Variants in TTN observed in about 807,000 individuals in gnomAD.
The protein encoded by TTN is titin, also known as connectin.
Under a neutral mutation model 3,223.0 loss-of-function variants are expected in TTN, and 1,525 were observed. The ratio of observed to expected loss-of-function variants is 0.47; its 90% CI spans 0.45 to 0.49. The LOEUF is 0.49. Among genes scored for constraint, TTN ranks in the 20% least tolerant of loss-of-function variants. The pLI is 0.00. For synonymous variants in TTN, 14,094 were observed against 15,161.0 expected (o/e 0.93, Z 5.17); for missense variants, 40,786 against 43,424.0 (o/e 0.94, Z 5.40).
intron 15 of TTN, among the ~76,000 whole-genome samples, chr2:178,785,145 A>T (rs1043355832): frequency 6.6e-6 from 1 of 152,150 alleles, no homozygotes; most frequent in Non-Finnish European, 1.5e-5. Context: ...ATCCAACCCG[A>T]CCACCATACA....
chr2:178,537,589 A>G lies in TTN; in HGVS notation c.99618T>C (p.Tyr33206=). The G allele has an allele frequency of 2.5e-6, 4 of 1,613,680 alleles. No homozygotes were observed. Among genetic ancestry groups the G allele is most frequent in the Non-Finnish European group, 3.4e-6 (4 of 1,179,704 alleles). ...FHPGYPLKEK[Y]YGAVGSTLRL... ...GAAGTGTGGAACCCACAGCTCCATA[A>G]TATTTCTCTTTCAGTGGGTAACCAG... The change falls in exon 355 of 363, where the codon TAT becomes TAC. Residue 33206 remains tyrosine, a synonymous_variant. Coordinates refer to ENST00000589042, the MANE Select transcript of TTN (RefSeq NM_001267550.2).
chr2:178,649,785 C>T (rs763736936), intron 211 of TTN, 32 bp downstream of exon 211: 3 of 1,597,786 alleles, frequency 1.9e-6, no homozygotes, highest in South Asian at 2.3e-5. Context: ...GTAGACACCA[C>T]AAAAATGAAG....
intron 143 of TTN, 111 bp downstream of exon 143, chr2:178,678,636 T>G: frequency 8.6e-7 from 1 of 1,164,570 alleles, no homozygotes; most frequent in Non-Finnish European, 1.2e-6. Context: ...AAATAAAATA[T>G]TTAATTTTCT....
Position 178,602,155 on chromosome 2 carries a change from A to C in TTN, c.55121-5T>G. Reference sequence around the variant, plus strand: ...CAATGAAAACTTCTGGTTCCTCTGTAATACCACATACAATTTAACAGGATT... The same window carrying C: ...CAATGAAAACTTCTGGTTCCTCTGTCATACCACATACAATTTAACAGGATT... On this transcript the variant is annotated splice_polypyrimidine_tract_variant and splice_region_variant and intron_variant, in intron 283 of 362. Transcript: ENST00000589042. 6.2e-7 allele frequency: 1 copy of C among 1,600,872 alleles called. No individual in the cohort carries two copies. The highest frequency in any genetic ancestry group is 2.2e-5 in the East Asian group (1 of 44,510).
chr2:178,591,329 G>C lies in TTN; in HGVS notation c.60396C>G (p.Phe20132Leu), dbSNP rs1304980579. The change falls in exon 304 of 363, where the codon TTC becomes TTG. Residue 20132 changes from phenylalanine to leucine, a missense_variant. Physicochemically the swap from Phe to Leu is conservative, Grantham distance 22. Transcript: ENST00000589042. ...DEHYTVETDN[F>L]SSVLTIKNCL... ...AGTTCTTAATGGTAAGTACTGATGA[G>C]AAGTTGTCTGTTTCAACTGTGTAGT... The C allele has an allele frequency of 6.2e-7, 1 of 1,613,326 alleles. No homozygotes were observed. Among genetic ancestry groups the C allele is most frequent in the East Asian group, 2.2e-5 (1 of 44,822 alleles).
intron 40 of TTN, 50 bp from the exon 41 acceptor site, chr2:178,766,662 G>C (rs1488694738): frequency 6.9e-7 from 1 of 1,458,146 alleles, no homozygotes; most frequent in Non-Finnish European, 9.6e-7. Flanking sequence ...AAAACTTGAA[G>C]CTCTGGTTTC....
rs2154259135 is a variant in TTN, at chr2:178,663,871, T to C, written c.36396A>G (p.Glu12132=). Residue 12132 remains glutamate, a synonymous_variant, in exon 170 of 363, where the codon GAA becomes GAG. Coordinates refer to ENST00000589042, the MANE Select transcript of TTN (RefSeq NM_001267550.2). ...TAGGAGGAGCCAAGGGCACTTTCTCTTCGCGGATAACCTCTTTGGAAGCTT... is the reference window on the plus strand; with the variant it reads ...TAGGAGGAGCCAAGGGCACTTTCTCCTCGCGGATAACCTCTTTGGAAGCTT... ...VPEASKEVIR[E]EKVPLAPPKE... is the part of the protein sequence containing the mutation. The C allele has an allele frequency of 1.2e-6, 2 of 1,613,456 alleles. No individual in the cohort carries two copies. Among genetic ancestry groups the C allele is most frequent in the Non-Finnish European group, 1.7e-6 (2 of 1,179,818 alleles).
In TTN at chr2:178,689,605, A is replaced by C; in HGVS notation, c.31847-10T>G. 2 of 1,586,360 alleles carry C rather than the reference A, an allele frequency of 1.3e-6. No individual in the cohort carries two copies. Among genetic ancestry groups the C allele is most frequent in the Non-Finnish European group, 1.7e-6 (2 of 1,169,710 alleles). ...TTCTGTACTTCAGGAACTTGAAGAG[A>C]CATTTTTAGAATTGACTTTATATTT... On this transcript the variant is annotated splice_polypyrimidine_tract_variant and intron_variant, in intron 122 of 362. Coordinates refer to ENST00000589042, the MANE Select transcript of TTN (RefSeq NM_001267550.2).
At position 178,618,205 on chromosome 2, in the gene TTN, T is replaced by A. The variant is rs764193921; in HGVS notation, c.47253A>T (p.Glu15751Asp). The A allele has an allele frequency of 1.9e-6, 3 of 1,612,550 alleles. No individual in the cohort carries two copies. Among genetic ancestry groups the A allele is most frequent in the African/African-American group, 1.3e-5 (1 of 74,938 alleles). ...ACTTCTTACCATATTTACTCCTTGCTTCTACAGGATTGTCAGTTTCTACTG... is the reference window on the plus strand; with the variant it reads ...ACTTCTTACCATATTTACTCCTTGCATCTACAGGATTGTCAGTTTCTACTG... ...GEPVETDNPV[E>D]ARSKYDVPGP... The change falls in exon 252 of 363, where the codon GAA (glutamate) becomes GAT (aspartate). Residue 15751 changes from glutamate (E) to aspartate (D), a missense_variant. Glu to Asp is a conservative substitution (Grantham distance 45). Transcript: ENST00000589042.
chr2:178,609,332 G>A lies in TTN; in HGVS notation c.51978C>T (p.Asn17326=). 6 of 1,608,540 alleles carry A rather than the reference G, an allele frequency of 3.7e-6. No individual in the cohort carries two copies. The highest frequency in any genetic ancestry group is 5.1e-6 in the Non-Finnish European group (6 of 1,177,826). ...GTAGCTGAGATTCTCCCTTTTTGCT[G>A]TTGTCAATACTCAAACGCTGTGTCA... ...LPLTQRLSID[N]SKKGESQLRV... The change falls in exon 273 of 363, where the codon AAC becomes AAT. Residue 17326 remains asparagine, a synonymous_variant. Coordinates refer to ENST00000589042, the MANE Select transcript of TTN (RefSeq NM_001267550.2).
rs1031922435 is a variant in TTN at position 178,652,741 on chromosome 2, A to G, written c.38960-5T>C. On this transcript the variant is annotated splice_region_variant and splice_polypyrimidine_tract_variant and intron_variant, in intron 200 of 362. Coordinates refer to ENST00000589042, the MANE Select transcript of TTN (RefSeq NM_001267550.2). ...CCTCTTTGGGAGCCTCTGGTACTTAAAAGATATTAGTGAAATTACATTTAG... is the reference window on the plus strand; with the variant it reads ...CCTCTTTGGGAGCCTCTGGTACTTAGAAGATATTAGTGAAATTACATTTAG... The G allele has an allele frequency of 4.3e-6, 7 of 1,612,452 alleles. No homozygotes were observed. The highest frequency in any genetic ancestry group is 5.9e-6 in the Non-Finnish European group (7 of 1,179,260).
At position 178,724,412 on chromosome 2, in the gene TTN, A is replaced by G. The variant is rs1159385830; in HGVS notation, c.20963T>C (p.Leu6988Ser). Residue 6988 changes from leucine to serine, a missense_variant, in exon 72 of 363, where the codon TTG becomes TCG. Leu to Ser is a moderately radical substitution (Grantham distance 145). Transcript: ENST00000589042. Reference protein sequence around the residue: ...SVEWYKDGKLLTSSQKHKFSF... With the variant: ...SVEWYKDGKLSTSSQKHKFSF... ...AAATTTGTGTTTTTGGCTGCTGGTC[A>G]ACAGCTTTCCATCCTTGTACCATTC... 2.5e-6 allele frequency: 4 copies of G among 1,613,414 alleles called. No individual in the cohort carries two copies. The African/African-American group carries it at 4.0e-5, about 16-fold the overall frequency.
At position 178,576,299 on chromosome 2, in the gene TTN, T is replaced by G; in HGVS notation, c.69833A>C (p.Glu23278Ala). Residue 23278 changes from glutamate (E) to alanine (A), a missense_variant, in exon 326 of 363, where the codon GAG (glutamate) becomes GCG (alanine). Glu to Ala is a moderately radical substitution (Grantham distance 107). Coordinates refer to ENST00000589042, the MANE Select transcript of TTN (RefSeq NM_001267550.2). The surrounding 1 kb of genome is among the most constrained non-coding windows in gnomAD (Gnocchi z 4.3). Reference sequence around the variant, plus strand: ...GGCCTCGTCTCCTACTTTTTGATGCTCCACGACATAGCCAGTGATTTCAAG... The same window carrying G: ...GGCCTCGTCTCCTACTTTTTGATGCGCCACGACATAGCCAGTGATTTCAAG... ...GGLEITGYVV[E>A]HQKVGDEAWI... 1 of 1,589,554 alleles carries G rather than the reference T, an allele frequency of 6.3e-7. No individual in the cohort carries two copies. The highest frequency in any genetic ancestry group is 8.5e-7 in the Non-Finnish European group (1 of 1,170,298).
At position 178,732,505 on chromosome 2, in the gene TTN, G is replaced by A. The variant is rs1048810880; in HGVS notation, c.16556C>T (p.Thr5519Met). 23 of 1,613,534 alleles carry A rather than the reference G, an allele frequency of 1.4e-5. No individual in the cohort carries two copies. Among genetic ancestry groups the A allele is most frequent in the Middle Eastern group, 1.6e-4 (1 of 6,074 alleles). Residue 5519 changes from threonine (T) to methionine (M), a missense_variant, in exon 56 of 363, where the codon ACG (threonine) becomes ATG (methionine). Thr to Met is a moderately conservative substitution (Grantham distance 81). Transcript: ENST00000589042. Reference sequence around the variant, plus strand: ...GACATTGCTGACTTTACATGTGTACGTGCCCGAATCAGAGGTTTTTACTAA... The same window carrying A: ...GACATTGCTGACTTTACATGTGTACATGCCCGAATCAGAGGTTTTTACTAA... ...LYLVKTSDSG[T>M]YTCKVSNVAG...
intron 12 of TTN, 37 bp downstream of exon 12, chr2:178,789,941 A>C: frequency 6.2e-7 from 1 of 1,611,498 alleles, no homozygotes; most frequent in Non-Finnish European, 8.5e-7. Context: ...AATTAGTTTA[A>C]AGATGAACTT....
intron 208 of TTN, 93 bp downstream of exon 208, chr2:178,651,150 T>C (rs2062877067): frequency 9.3e-7 from 1 of 1,070,910 alleles, no homozygotes; most frequent in African/African-American, 1.6e-5. Flanking sequence ...TAGTTGCAAA[T>C]TTAAGAGGAC....
At position 178,607,985 on chromosome 2, in the gene TTN, A is replaced by G. The variant is rs774032287; in HGVS notation, c.52802T>C (p.Ile17601Thr). The change falls in exon 276 of 363, where the codon ATT (isoleucine) becomes ACT (threonine). Residue 17601 changes from isoleucine (I) to threonine (T), a missense_variant. Coordinates refer to ENST00000589042, the MANE Select transcript of TTN (RefSeq NM_001267550.2). Reference protein sequence around the residue: ...EPPAFNGGGEIVGYFVDKQLV... With the variant: ...EPPAFNGGGETVGYFVDKQLV... ...CTGCTTATCAACAAAATAGCCAACA[A>G]TTTCCCCACCACCATTGAAAGCTGG... 6.8e-6 allele frequency: 11 copies of G among 1,612,764 alleles called. No homozygotes were observed. Among genetic ancestry groups the G allele is most frequent in the Non-Finnish European group, 9.3e-6 (11 of 1,179,332 alleles).
intron 222 of TTN, 85 bp from the exon 223 acceptor site, chr2:178,639,873 T>C (rs2060998757): frequency 6.8e-7 from 1 of 1,461,654 alleles, no homozygotes; most frequent in Admixed American, 2.4e-5. Context: ...TCTTCTGATA[T>C]AATTTTGAAA....
chr2:178,527,341 A>G, intron 362 of TTN, 34 bp from the exon 363 acceptor site: 6 of 1,566,864 alleles, frequency 3.8e-6, no homozygotes, highest in Non-Finnish European at 5.2e-6. Flanking sequence ...AAGGTCTTAG[A>G]ATCACTGAAA....
Sources: allele counts gnomAD v4.1 joint callset (sites outside exome capture counted in the v4.1 genomes callset), GRCh38; gene constraint gnomAD v4.1.1; non-coding constraint Gnocchi (gnomAD v3.1); transcripts MANE v1.5; gene names NCBI Gene and HGNC (gene_info 2026-07-23, HGNC 2026-07-21).